Variants in HLCS observed in about 807,000 individuals in gnomAD.
HLCS encodes holocarboxylase synthetase.
In HLCS, 53 loss-of-function variants were observed where a neutral mutation model predicts 75.0. That is an observed-to-expected ratio of 0.71 (90% CI 0.57 to 0.89). The LOEUF (loss-of-function observed/expected upper bound fraction) is 0.89, where lower values mean the gene tolerates loss of function less well. HLCS is among the 40% of genes least tolerant of loss of function. HLCS has a pLI of 0.00. For missense variants in HLCS, 966 were observed against 1,074.0 expected (o/e 0.90, Z 1.41); for synonymous variants, 431 against 428.6 (o/e 1.01, Z -0.07).
rs570340559 is a variant in HLCS at position 36,804,957 on chromosome 21, GT to G, written c.1893-37673del. ...ACAGTTGACAAACTGTCTCTCCATG[GT>G]TCCCTCTTAACAGCTCCATGAGGTG... On this transcript the variant is annotated intron_variant, in intron 6 of 10. Transcript: ENST00000674895. 1.8e-4 allele frequency among the ~76,000 whole-genome samples: 27 copies of G among 152,214 alleles called. No homozygotes were observed. The South Asian group carries it at 5.6e-3, about 32-fold the overall frequency.
intron 6 of HLCS, among the ~76,000 whole-genome samples, chr21:36,820,563 C>T (rs1448331114): frequency 2.0e-5 from 3 of 152,260 alleles, no homozygotes; most frequent in East Asian, 1.9e-4. Context: ...CTCAGGGCGG[C>T]GCTGACATGC....
At chr21:36,791,248 A>T (rs992064756) in intron 6 of HLCS, among the ~76,000 whole-genome samples, 18 of 152,292 alleles carry the variant, frequency 1.2e-4, no homozygotes, top group South Asian at 1.0e-3. Context: ...TGTCCGGGGC[A>T]ACAACATGCA....
rs1035549573 is a variant in HLCS, at chr21:36,767,227, C to T, written c.1951G>A (p.Glu651Lys). The T allele has an allele frequency of 6.2e-6, 10 of 1,614,152 alleles. No homozygotes were observed. The East Asian group carries it at 6.7e-5, about 11-fold the overall frequency. The change falls in exon 7 of 11, where the codon GAG (glutamate) becomes AAG (lysine). Residue 651 changes from glutamate (E) to lysine (K), a missense_variant. Glu to Lys is a moderately conservative substitution (Grantham distance 56). Transcript: ENST00000674895. ...GLIVIAARQT[E>K]GKGRGGNVWL... ...ACAAAAGATGACTGACCTTTGCCCT[C>T]GGTCTGCCGGGCCGCGATCACTATT...
intron 6 of HLCS, among the ~76,000 whole-genome samples, chr21:36,870,808 C>T (rs1477410759): frequency 1.3e-5 from 2 of 152,162 alleles, no homozygotes; most frequent in Admixed American, 1.3e-4. Context: ...CTAACTCCCA[C>T]AGGTCTGGTC....
chr21:36,760,619 A>T (rs2089797988), intron 8 of HLCS, among the ~76,000 whole-genome samples: 1 of 152,074 alleles, frequency 6.6e-6, no homozygotes, highest in Non-Finnish European at 1.5e-5. Context: ...CAAAAAAAAA[A>T]AAAAAAGAAT....
intron 6 of HLCS, among the ~76,000 whole-genome samples, chr21:36,858,839 A>C (rs2063290095): frequency 6.6e-6 from 1 of 152,178 alleles, no homozygotes; most frequent in South Asian, 2.1e-4. Context: ...CAGAGGCTAA[A>C]TGACCCAAAT....
intron 5 of HLCS, among the ~76,000 whole-genome samples, chr21:36,909,191 C>T (rs2065596544): frequency 6.6e-6 from 1 of 151,886 alleles, no homozygotes. Flanking sequence ...AGCGAGACTC[C>T]ATCTCAAAAA....
intron 6 of HLCS, among the ~76,000 whole-genome samples, chr21:36,824,362 T>A (rs1349925512): frequency 6.6e-6 from 1 of 151,892 alleles, no homozygotes; most frequent in African/African-American, 2.4e-5. Flanking sequence ...ACACCACAAG[T>A]TCTCACTCAC....
chr21:36,827,337 G>A (rs2146031574), intron 6 of HLCS, among the ~76,000 whole-genome samples: 1 of 152,224 alleles, frequency 6.6e-6, no homozygotes, highest in East Asian at 1.9e-4. Flanking sequence ...GGGATGCCAA[G>A]GCGAGCGGAT....
upstream of HLCS, among the ~76,000 whole-genome samples, chr21:36,967,811 C>T (rs993761115): frequency 4.0e-5 from 6 of 149,170 alleles, no homozygotes; most frequent in Admixed American, 1.3e-4. Flanking sequence ...GCTCTGCCTC[C>T]TGGGTTCAAG....
At position 36,878,468 on chromosome 21, in the gene HLCS, G is replaced by A. The variant is rs181809068; in HGVS notation, c.1892+18392C>T. ...CCAAGTGAAATTCAAGTAAATAAAC[G>A]AAACTACTACTACTGAGCACCTATT... On this transcript the variant is annotated intron_variant, in intron 6 of 10. Coordinates refer to ENST00000674895, the MANE Select transcript of HLCS (RefSeq NM_001352514.2). Among the ~76,000 whole-genome samples the A allele has an allele frequency of 3.4e-4, 52 of 152,216 alleles. 2 individuals carry two copies. The highest frequency in any genetic ancestry group is 3.4e-3 in the Middle Eastern group (1 of 294).
At chr21:36,983,806 A>C (rs927506720) in intron 1 of HLCS, among the ~76,000 whole-genome samples, 4 of 151,572 alleles carry the variant, frequency 2.6e-5, no homozygotes, top group African/African-American at 9.7e-5. Flanking sequence ...CACTGCACTC[A>C]AGCCTGGGTG....
At chr21:36,836,395 C>T (rs1282245595) in intron 6 of HLCS, among the ~76,000 whole-genome samples, 3 of 151,832 alleles carry the variant, frequency 2.0e-5, no homozygotes, top group African/African-American at 4.8e-5. Flanking sequence ...ATGTGACATG[C>T]TGGTGCGCTG....
chr21:36,800,596 C>T (rs895879965), intron 6 of HLCS, among the ~76,000 whole-genome samples: 11 of 152,184 alleles, frequency 7.2e-5, no homozygotes, highest in African/African-American at 2.4e-4. Context: ...ATTACTCCCA[C>T]TTCATAGGTT....
intron 6 of HLCS, among the ~76,000 whole-genome samples, chr21:36,833,280 A>G (rs2062279079): frequency 6.7e-6 from 1 of 150,262 alleles, no homozygotes; most frequent in Admixed American, 6.6e-5. Flanking sequence ...CCTCCTACCT[A>G]GGCCTCCCAA....
intron 6 of HLCS, among the ~76,000 whole-genome samples, chr21:36,874,686 G>A (rs2063899267): frequency 1.3e-5 from 2 of 152,204 alleles, no homozygotes; most frequent in South Asian, 4.1e-4. Context: ...AGCCACTGTG[G>A]GGACACCAGC....
Position 36,937,077 on chromosome 21 carries a change from G to A in HLCS, c.809C>T (p.Ala270Val), listed in dbSNP as rs201215058. 1.7e-5 allele frequency: 27 copies of A among 1,613,988 alleles called. No homozygotes were observed. In the Admixed American group the frequency reaches 2.5e-4, roughly 15 times the overall value. Residue 270 changes from alanine to valine, a missense_variant, in exon 4 of 11, where the codon GCG becomes GTG. Transcript: ENST00000674895. ...AAGGTCTGGAATGTTCTCGGCAGAC[G>A]CAAACTTGACTGACTCAATGGTGCT... ...ENSTIESVKF[A>V]SAENIPDLPY...
intron 2 of HLCS, among the ~76,000 whole-genome samples, chr21:36,941,768 G>A (rs2067151825): frequency 6.6e-6 from 1 of 152,200 alleles, no homozygotes; most frequent in East Asian, 1.9e-4. Context: ...CCTTTGGGAG[G>A]CCAAGGCAGG....
At chr21:36,795,758 C>G (rs1196919030) in intron 6 of HLCS, among the ~76,000 whole-genome samples, 1 of 152,220 alleles carries the variant, frequency 6.6e-6, no homozygotes, top group Non-Finnish European at 1.5e-5. Flanking sequence ...GAACTGAGGG[C>G]AGAGATCCTG....
Sources: gnomAD v4.1 joint callset for allele counts (sites outside exome capture counted in the v4.1 genomes callset) on GRCh38, gnomAD v4.1.1 for gene constraint, MANE v1.5 for transcripts, NCBI Gene and HGNC (gene_info 2026-07-23, HGNC 2026-07-21) for gene names.